BCLAF3: variants seen among roughly 807,000 people sequenced by gnomAD.
The protein encoded by BCLAF3 is BCLAF1 and THRAP3 family member 3.
A neutral mutation model predicts 51.2 loss-of-function variants in BCLAF3; 24 were observed. That is an observed-to-expected ratio of 0.47 (90% CI 0.34 to 0.66). The LOEUF is 0.66. Ranked by LOEUF, BCLAF3 falls within the 30% of genes least tolerant of loss-of-function variation. BCLAF3 has a pLI of 0.01. For missense variants in BCLAF3, 465 were observed against 525.1 expected (o/e 0.89, Z 1.12); for synonymous variants, 152 against 176.6 (o/e 0.86, Z 1.10).
In BCLAF3 at chrX:19,966,587, T is replaced by G. The variant is rs768869941; in HGVS notation, c.104A>C (p.Tyr35Ser). Residue 35 changes from tyrosine (Y) to serine (S), a missense_variant, in exon 3 of 12, where the codon TAT becomes TCT. Coordinates refer to ENST00000379682, the MANE Select transcript of BCLAF3 (RefSeq NM_001367774.2). ...TGGATCCTTCCTATATTCACAGCCA[T>G]AATGCCCGTGTGAATGTCTTTGCTT... ...HYKQRHSHGH[Y>S]GCEYRKDPKR... 1 of 1,211,264 alleles carries G rather than the reference T, an allele frequency of 8.3e-7. No individual in the cohort carries two copies. Among genetic ancestry groups the G allele is most frequent in the Non-Finnish European group, 1.1e-6 (1 of 895,432 alleles).
chrX:19,974,219 T>C (rs1410551775), intron 1 of BCLAF3, among the ~76,000 whole-genome samples: 2 of 112,793 alleles, frequency 1.8e-5, no homozygotes, highest in Non-Finnish European at 3.7e-5. Flanking sequence ...CAAACCCATG[T>C]TGTTCAAGTG....
In BCLAF3 at chrX:19,930,076, C is replaced by A. The variant is rs186250847; in HGVS notation, c.1951-136G>T. 3.5e-4 allele frequency: 176 copies of A among 509,534 alleles called. 1 individual carries two copies. In the East Asian group the frequency reaches 6.7e-3, roughly 19 times the overall value. The allele number at this position is 509,534 out of a possible 1,213,427, so 42.0% of individuals were successfully genotyped here. ...AGCACTTTGGGAGACTGAGGCAGAA[C>A]TCCTCAAGCTGATCGCTTGAGGTCA... On this transcript the variant is annotated intron_variant, in intron 10 of 11. Coordinates refer to ENST00000379682, the MANE Select transcript of BCLAF3 (RefSeq NM_001367774.2).
chrX:19,935,786 A>C (rs1445080704), intron 10 of BCLAF3, 23 bp downstream of exon 10: 1 of 1,146,292 alleles, frequency 8.7e-7, no homozygotes, highest in Non-Finnish European at 1.2e-6. Flanking sequence ...AGCTGGAATT[A>C]AATGGAAAAC....
Position 19,937,527 on chromosome X carries a change from T to A in BCLAF3, c.1751A>T (p.Asp584Val), listed in dbSNP as rs769043355. 5.9e-6 allele frequency: 6 copies of A among 1,020,701 alleles called. No homozygotes were observed. The highest frequency in any genetic ancestry group is 5.0e-5 in the Admixed American group (2 of 40,156). The allele number at this position is 1,020,701 out of a possible 1,213,427, so 84.1% of individuals were successfully genotyped here. A position where few individuals can be genotyped will look rare whatever the true frequency, so the allele number is the denominator to read the frequency against. Residue 584 changes from aspartate to valine, a missense_variant, in exon 9 of 12, where the codon GAT (aspartate) becomes GTT (valine). Physicochemically the swap from Asp to Val is radical, Grantham distance 152. Transcript: ENST00000379682. Reference protein sequence around the residue: ...FHIASAAERDDQNSSFSKVKN... With the variant: ...FHIASAAERDVQNSSFSKVKN... ...TACCTTTGAAAAACTGGAATTCTGA[T>A]CATCCCTAATAAGGAAACAGAGAAA...
Position 19,916,426 on chromosome X carries a change from T to G in BCLAF3, c.*879A>C, listed in dbSNP as rs1039327554. On this transcript the variant is annotated 3_prime_UTR_variant, in exon 12 of 12. Coordinates refer to ENST00000379682, the MANE Select transcript of BCLAF3 (RefSeq NM_001367774.2). ...CCCATCCATTTGCTCTTACACATAG[T>G]AGGTATGCAATACATATCAACTGAA... 1 of 112,665 alleles carries G rather than the reference T, an allele frequency of 8.9e-6. No homozygotes were observed. Among genetic ancestry groups the G allele is most frequent in the Admixed American group, 9.5e-5 (1 of 10,542 alleles). 9.3% of individuals were successfully genotyped at this position (112,665 alleles called of 1,213,427 possible).
At chrX:19,985,601 A>G (rs1603341527) in intron 1 of BCLAF3, among the ~76,000 whole-genome samples, 1 of 111,321 alleles carries the variant, frequency 9.0e-6, no homozygotes, top group African/African-American at 3.3e-5. Context: ...AAAGAAACTT[A>G]AAAAATAACA....
intron 1 of BCLAF3, among the ~76,000 whole-genome samples, chrX:19,976,803 G>A (rs902649612): frequency 1.8e-5 from 2 of 111,996 alleles, no homozygotes; most frequent in African/African-American, 3.3e-5. Context: ...GCCTTACTGC[G>A]CTTCACAGAT....
At chrX:19,970,800 G>T (rs1471230532) in intron 1 of BCLAF3, among the ~76,000 whole-genome samples, 7 of 111,672 alleles carry the variant, frequency 6.3e-5, no homozygotes, top group Non-Finnish European at 1.3e-4. Context: ...GCTCAAGTGG[G>T]TCATACAAAA....
In BCLAF3 at chrX:19,953,030, G is replaced by A. The variant is rs201044790; in HGVS notation, c.1587C>T (p.Ala529=). ...TCACAGCTTGTTTACTCTGAAGCTCGGCCAAAGACATATCTATTCTCCTAA... is the reference window on the plus strand; with the variant it reads ...TCACAGCTTGTTTACTCTGAAGCTCAGCCAAAGACATATCTATTCTCCTAA... ...EIHRRIDMSL[A]ELQSKQAVIY... The change falls in exon 7 of 12, where the codon GCC becomes GCT. Residue 529 remains alanine (A), a synonymous_variant. Transcript: ENST00000379682. 78 of 1,203,938 alleles carry A rather than the reference G, an allele frequency of 6.5e-5. No homozygotes were observed. In the Admixed American group the frequency reaches 1.1e-3, roughly 17 times the overall value.
intron 10 of BCLAF3, 123 bp from the exon 11 acceptor site, chrX:19,930,063 G>A: frequency 1.6e-6 from 1 of 628,622 alleles, no homozygotes; most frequent in Non-Finnish European, 2.4e-6. Flanking sequence ...CACTTTGGGA[G>A]ACTGAGGCAG....
intron 1 of BCLAF3, 53 bp from the exon 2 acceptor site, chrX:19,970,351 C>T: frequency 1.8e-6 from 2 of 1,081,989 alleles, no homozygotes; most frequent in African/African-American, 3.6e-5. Flanking sequence ...ACAATTTGAT[C>T]TAAAACATAG....
intron 10 of BCLAF3, chrX:19,935,508 C>T (rs895975327): frequency 4.4e-6 from 1 of 228,806 alleles, no homozygotes; most frequent in Non-Finnish European, 8.0e-6. Context: ...GGAGGGTCTG[C>T]AGCCTTGCCT....
intron 8 of BCLAF3, among the ~76,000 whole-genome samples, chrX:19,937,824 CCT>C (rs2070830825): frequency 8.9e-6 from 1 of 112,144 alleles, no homozygotes; most frequent in African/African-American, 3.2e-5. Flanking sequence ...GCTGTAACCC[CCT>C]GAAACCATAT....
At chrX:19,986,176 T>C (rs950568246) in intron 1 of BCLAF3, among the ~76,000 whole-genome samples, 18 of 111,663 alleles carry the variant, frequency 1.6e-4, no homozygotes, top group Admixed American at 1.5e-3. Context: ...TAATAAAGGA[T>C]GTCTTTGTAG....
intron 8 of BCLAF3, among the ~76,000 whole-genome samples, chrX:19,940,251 G>T (rs373841019): frequency 9.6e-6 from 1 of 104,460 alleles, no homozygotes; most frequent in East Asian, 2.8e-4. Context: ...ATTTCAAGAA[G>T]TCTTTATTTT....
chrX:19,968,551 G>A (rs1359933003), intron 2 of BCLAF3, among the ~76,000 whole-genome samples: 1 of 113,002 alleles, frequency 8.8e-6, no homozygotes, highest in Non-Finnish European at 1.9e-5. Context: ...TGGCTCTGCA[G>A]TCCCAGCCCT....
intron 10 of BCLAF3, among the ~76,000 whole-genome samples, chrX:19,935,057 G>A (rs774929652): frequency 4.5e-5 from 5 of 109,927 alleles, no homozygotes; most frequent in African/African-American, 1.3e-4. Flanking sequence ...GGTGGCACAC[G>A]CCTGTAATCC....
In BCLAF3 at chrX:19,990,973, G is replaced by GCC. The variant is rs1303641308; in HGVS notation, c.-101_-100insGG. Among the ~76,000 whole-genome samples, 2 of 86,013 alleles carry GCC rather than the reference G, an allele frequency of 2.3e-5. No individual in the cohort carries two copies. Among genetic ancestry groups the GCC allele is most frequent in the African/African-American group, 9.0e-5 (2 of 22,317 alleles). 74.7% of individuals were successfully genotyped at this position (86,013 alleles called of 115,157 possible). On this transcript the variant is annotated 5_prime_UTR_variant, in exon 1 of 12. Transcript: ENST00000379682. ...CGCCGCCGCCGCCGCCGCCGCCGCC[G>GCC]GCCCCTCGGGCCTCGCCCCTCACTC...
At chrX:19,959,498 G>A (rs970613367) in intron 4 of BCLAF3, among the ~76,000 whole-genome samples, 1 of 111,464 alleles carries the variant, frequency 9.0e-6, no homozygotes, top group Non-Finnish European at 1.9e-5. Context: ...GCTCACGCCT[G>A]TAATCCCAGC....
Sources: allele counts gnomAD v4.1 joint callset (sites outside exome capture counted in the v4.1 genomes callset), GRCh38; gene constraint gnomAD v4.1.1; transcripts MANE v1.5; gene names NCBI Gene and HGNC (gene_info 2026-07-23, HGNC 2026-07-21).